SELP: variants seen among roughly 807,000 people sequenced by gnomAD.
SELP encodes the protein P-selectin.
A neutral mutation model predicts 104.1 loss-of-function variants in SELP; 92 were observed. The ratio of observed to expected loss-of-function variants is 0.88; its 90% CI spans 0.75 to 1.05. SELP has a LOEUF of 1.05. Ranked by LOEUF, SELP falls within the 50% of genes least tolerant of loss-of-function variation. SELP has a pLI of 0.00. For synonymous variants in SELP, 397 were observed against 364.5 expected, an observed-to-expected ratio of 1.09 and a Z score of -1.01; for missense variants, 1,022 against 1,017.3, an observed-to-expected ratio of 1.00 and a Z score of -0.06.
Position 169,595,952 on chromosome 1 carries a change from A to G in SELP, c.2074T>C (p.Trp692Arg), listed in dbSNP as rs201750249. 5 of 1,613,740 alleles carry G rather than the reference A, an allele frequency of 3.1e-6. No homozygotes were observed. Among genetic ancestry groups the G allele is most frequent in the East Asian group, 2.2e-5 (1 of 44,880 alleles). The change falls in exon 12 of 17, where the codon TGG (tryptophan) becomes CGG (arginine). Residue 692 changes from tryptophan to arginine, a missense_variant. Transcript: ENST00000263686. ...CTGCATGCTGGAGTTACTGCTGTCC[A>G]TTGTCCTGAAGGTCTGCAGCTGAGA... ...STLSCRPSGQ[W>R]TAVTPACRAV...
At chr1:169,626,631 T>C (rs1170953132) in intron 1 of SELP, among the ~76,000 whole-genome samples, 3 of 152,188 alleles carry the variant, frequency 2.0e-5, no homozygotes, top group Non-Finnish European at 1.5e-5. Flanking sequence ...CAAATACCAG[T>C]TGGCAGAAGG....
At chr1:169,611,393 A>T in intron 7 of SELP, 99 bp downstream of exon 7, 2 of 1,242,948 alleles carry the variant, frequency 1.6e-6, no homozygotes, top group Non-Finnish European at 1.1e-6. Context: ...TAGTGCAAGA[A>T]CTTAGAAGAG....
chr1:169,596,975 A>T lies in SELP; in HGVS notation c.1891+16T>A. On this transcript the variant is annotated intron_variant, in intron 11 of 16. Coordinates refer to ENST00000263686, the MANE Select transcript of SELP (RefSeq NM_003005.4). ...TTTCCAAAAGTAGAACTGTCTTAGC[A>T]AGTACATATTATTACCTTTGCAGGT... The T allele has an allele frequency of 2.5e-6, 4 of 1,600,558 alleles. No individual in the cohort carries two copies. The highest frequency in any genetic ancestry group is 3.4e-6 in the Non-Finnish European group (4 of 1,172,606).
Position 169,609,489 on chromosome 1 carries a change from C to T in SELP, c.1333+15G>A. 1.2e-6 allele frequency: 2 copies of T among 1,602,778 alleles called. No individual in the cohort carries two copies. The highest frequency in any genetic ancestry group is 1.7e-6 in the Non-Finnish European group (2 of 1,173,608). On this transcript the variant is annotated intron_variant, in intron 8 of 16. Transcript: ENST00000263686. ...AGCTGAGACACACAGAAAAACATTACCACTGTTACAGTACCTTGACAGACT... is the reference window on the plus strand; with the variant it reads ...AGCTGAGACACACAGAAAAACATTATCACTGTTACAGTACCTTGACAGACT...
chr1:169,590,620 G>C (rs866741188), intron 15 of SELP, among the ~76,000 whole-genome samples: 2 of 152,240 alleles, frequency 1.3e-5, no homozygotes, highest in Non-Finnish European at 2.9e-5. Flanking sequence ...TATGGGGCAA[G>C]GGTGCTGGAT....
chr1:169,623,553 G>C (rs550351546), intron 1 of SELP, among the ~76,000 whole-genome samples: 2 of 152,284 alleles, frequency 1.3e-5, no homozygotes, highest in Non-Finnish European at 2.9e-5. Context: ...AAGTGAGAGA[G>C]AGCGAGACAA....
At chr1:169,622,712 A>G (rs569461244) in intron 1 of SELP, among the ~76,000 whole-genome samples, 1 of 152,248 alleles carries the variant, frequency 6.6e-6, no homozygotes, top group East Asian at 1.9e-4. Context: ...TTACAGTTGT[A>G]GAAAATTGAA....
chr1:169,610,016 C>T (rs979441788), intron 7 of SELP, among the ~76,000 whole-genome samples: 1 of 152,146 alleles, frequency 6.6e-6, no homozygotes, highest in Non-Finnish European at 1.5e-5. Context: ...TGTCATTCTT[C>T]CCCATTATAC....
In SELP at chr1:169,610,416, G is replaced by A. The variant is rs142146462; in HGVS notation, c.1148-727C>T. The stretch of plus-strand genomic sequence containing the variant: ...CCTTGATAAAGCATTTCATTTCCAG[G>A]CTATTTCTGAAACTTTTCAAAGTGT... On this transcript the variant is annotated intron_variant, in intron 7 of 16. Transcript: ENST00000263686. 7.9e-5 allele frequency among the ~76,000 whole-genome samples: 12 copies of A among 152,226 alleles called. 1 individual carries two copies. The highest frequency in any genetic ancestry group is 1.3e-4 in the Non-Finnish European group (9 of 68,012).
chr1:169,602,587 A>G (rs1661961956), intron 10 of SELP, among the ~76,000 whole-genome samples: 1 of 152,198 alleles, frequency 6.6e-6, no homozygotes, highest in Non-Finnish European at 1.5e-5. Flanking sequence ...CAGGAATGCT[A>G]TAATGACATG....
chr1:169,619,101 C>T (rs1391622796), intron 2 of SELP, 28 bp downstream of exon 2: 1 of 1,569,428 alleles, frequency 6.4e-7, no homozygotes, highest in Non-Finnish European at 8.8e-7. Flanking sequence ...TTACTTAGGC[C>T]TAAGTGAAAA....
Position 169,596,085 on chromosome 1 carries a change from A to C in SELP, c.1941T>G (p.Thr647=). 6.2e-7 allele frequency: 1 copy of C among 1,613,864 alleles called. No individual in the cohort carries two copies. Among genetic ancestry groups the C allele is most frequent in the South Asian group, 1.1e-5 (1 of 91,084 alleles). The change falls in exon 12 of 17, where the codon ACT becomes ACG. Residue 647 remains threonine (T), a synonymous_variant. Coordinates refer to ENST00000263686, the MANE Select transcript of SELP (RefSeq NM_003005.4). ...TPGVQCPALT[T]PGQGTMYCRH... Reference sequence around the variant, plus strand: ...TACAGTACATGGTTCCCTGCCCAGGAGTGGTGAGGGCTGGACATTGCACCC... The same window carrying C: ...TACAGTACATGGTTCCCTGCCCAGGCGTGGTGAGGGCTGGACATTGCACCC...
chr1:169,613,032 C>T lies in SELP; in HGVS notation c.672G>A (p.Ser224=), dbSNP rs762045625. The T allele has an allele frequency of 2.5e-6, 4 of 1,613,674 alleles. No individual in the cohort carries two copies. The highest frequency in any genetic ancestry group is 1.1e-5 in the South Asian group (1 of 91,062). ...CGTCAGTGCAGTGGAAGCTGCACTG[C>T]GAGTTAAAAGAGAAGTTTCCCAGAG... ...SHPLGNFSFN[S]QCSFHCTDGY... The change falls in exon 5 of 17, where the codon TCG becomes TCA. Residue 224 remains serine, a synonymous_variant. Coordinates refer to ENST00000263686, the MANE Select transcript of SELP (RefSeq NM_003005.4).
chr1:169,593,592 C>T lies in SELP; in HGVS notation c.2407+13G>A. On this transcript the variant is annotated intron_variant, in intron 14 of 16. Transcript: ENST00000263686. ...GTAACCAAGATGCAAAGAGAAGACTCTTTCCTATTTACCTTTTTGTCTGAA... is the reference window on the plus strand; with the variant it reads ...GTAACCAAGATGCAAAGAGAAGACTTTTTCCTATTTACCTTTTTGTCTGAA... 1 of 1,610,968 alleles carries T rather than the reference C, an allele frequency of 6.2e-7. No individual in the cohort carries two copies.
intron 1 of SELP, among the ~76,000 whole-genome samples, chr1:169,628,293 A>T (rs1663476218): frequency 6.6e-6 from 1 of 152,202 alleles, no homozygotes; most frequent in Non-Finnish European, 1.5e-5. Context: ...AAAATACCCC[A>T]CCAGAAAAAC....
Position 169,617,425 on chromosome 1 carries a change from G to T in SELP, c.95-11C>A, listed in dbSNP as rs1441050675. On this transcript the variant is annotated splice_polypyrimidine_tract_variant and intron_variant, in intron 2 of 16. Coordinates refer to ENST00000263686, the MANE Select transcript of SELP (RefSeq NM_003005.4). ...TCTGGTTTGTTAGTTCTAGAGTAAA[G>T]GAGAGTGAGTGCCAGGTTAGTACCC... The T allele has an allele frequency of 1.9e-6, 3 of 1,611,504 alleles. No individual in the cohort carries two copies. The East Asian group carries it at 6.7e-5, about 36-fold the overall frequency.
intron 8 of SELP, among the ~76,000 whole-genome samples, chr1:169,609,236 T>C (rs1394897653): frequency 6.6e-6 from 1 of 152,060 alleles, no homozygotes; most frequent in Non-Finnish European, 1.5e-5. Flanking sequence ...CATGATTTAT[T>C]CCCCCAAGCC....
intron 9 of SELP, among the ~76,000 whole-genome samples, chr1:169,604,112 G>A (rs867920010): frequency 2.0e-5 from 3 of 151,992 alleles, no homozygotes; most frequent in African/African-American, 7.2e-5. Context: ...TCCAGCACCT[G>A]TTGTTTCCTG....
intron 1 of SELP, 113 bp downstream of exon 1, chr1:169,629,959 A>C (rs1021440201): frequency 7.2e-7 from 1 of 1,394,058 alleles, no homozygotes; most frequent in Admixed American, 1.7e-5. Flanking sequence ...ATTCAACATA[A>C]AACTCCATGG....
Sources: gnomAD v4.1 joint callset for allele counts (sites outside exome capture counted in the v4.1 genomes callset) on GRCh38, gnomAD v4.1.1 for gene constraint, MANE v1.5 for transcripts, NCBI Gene and HGNC (gene_info 2026-07-23, HGNC 2026-07-21) for gene names.